Variants in TECTB observed in about 807,000 individuals in gnomAD.
The protein encoded by TECTB is beta-tectorin.
In TECTB, 45 loss-of-function variants were observed where a neutral mutation model predicts 43.3. The ratio of observed to expected loss-of-function variants is 1.04; its 90% CI spans 0.82 to 1.33. The LOEUF (loss-of-function observed/expected upper bound fraction) is 1.33, where lower values mean the gene tolerates loss of function less well. Among genes scored for constraint, TECTB ranks in the 40% most tolerant of loss-of-function variants. The pLI is 0.00. For synonymous variants in TECTB, 169 were observed against 156.7 expected, an observed-to-expected ratio of 1.08 and a Z score of -0.59; for missense variants, 399 against 404.7, an observed-to-expected ratio of 0.99 and a Z score of 0.12.
Position 112,293,847 on chromosome 10 carries a change from T to C in TECTB, c.587+6T>C. 2.5e-6 allele frequency: 4 copies of C among 1,613,554 alleles called. No homozygotes were observed. Among genetic ancestry groups the C allele is most frequent in the Non-Finnish European group, 3.4e-6 (4 of 1,179,428 alleles). On this transcript the variant is annotated splice_donor_region_variant and intron_variant, in intron 6 of 10. Coordinates refer to ENST00000646139, the MANE Select transcript of TECTB (RefSeq NM_058222.3). ...GCCAAAGGGTTAAGCATTAGGTAAGTACATTTCCTCCAAGTTTATATGTTT... is the reference window on the plus strand; with the variant it reads ...GCCAAAGGGTTAAGCATTAGGTAAGCACATTTCCTCCAAGTTTATATGTTT...
At position 112,286,358 on chromosome 10, in the gene TECTB, A is replaced by G; in HGVS notation, c.450A>G (p.Thr150=). ...ACGTGAAGAACGGGAGCATGGGCAC[A>G]TTTGAGAGCCAACTGTCTCTCAACT... is the stretch of plus-strand genomic sequence containing the variant. ...TVHVKNGSMG[T]FESQLSLNFY... is the part of the protein sequence containing the mutation. The change falls in exon 5 of 11, where the codon ACA becomes ACG. Residue 150 remains threonine (T), a synonymous_variant. Coordinates refer to ENST00000646139, the MANE Select transcript of TECTB (RefSeq NM_058222.3). 1 of 1,610,288 alleles carries G rather than the reference A, an allele frequency of 6.2e-7. No homozygotes were observed. The highest frequency in any genetic ancestry group is 8.5e-7 in the Non-Finnish European group (1 of 1,176,730).
rs1848636521 is a variant in TECTB, at chr10:112,304,463, T to C, written c.*1151T>C. 2 of 152,232 alleles carry C rather than the reference T, an allele frequency of 1.3e-5. No homozygotes were observed. The highest frequency in any genetic ancestry group is 2.4e-5 in the African/African-American group (1 of 41,462). 9.4% of individuals were successfully genotyped at this position (152,232 alleles called of 1,614,324 possible). Reference sequence around the variant, plus strand: ...ATATGCCCATATAAATGATTTACATTGTCAACAAAATACAAACTGAATGAA... The same window carrying C: ...ATATGCCCATATAAATGATTTACATCGTCAACAAAATACAAACTGAATGAA... On this transcript the variant is annotated 3_prime_UTR_variant, in exon 11 of 11. Transcript: ENST00000646139.
chr10:112,292,945 TC>T (rs1286892953), intron 5 of TECTB, among the ~76,000 whole-genome samples: 1 of 152,070 alleles, frequency 6.6e-6, no homozygotes, highest in Admixed American at 6.6e-5. Flanking sequence ...CCTCCTCACT[TC>T]CTCCAAATCT....
chr10:112,301,008 C>A (rs1200827997), intron 9 of TECTB, among the ~76,000 whole-genome samples: 1 of 152,230 alleles, frequency 6.6e-6, no homozygotes, highest in Non-Finnish European at 1.5e-5. Context: ...AAGCTATGGC[C>A]AAGGGCCAAG....
Position 112,300,279 on chromosome 10 carries a change from A to AAAGAAAGAAAAGAAAGAAAG in TECTB, c.907+717_907+718insGAAAGAAAAGAAAGAAAGAA, listed in dbSNP as rs1361291056. On this transcript the variant is annotated intron_variant, in intron 9 of 10. Coordinates refer to ENST00000646139, the MANE Select transcript of TECTB (RefSeq NM_058222.3). ...GAAAGAAAGAAAGAAAGAAAGAAAGAAAAGAAAGAAAGAAAGAAAGAAAGA... is the reference window on the plus strand; with the variant it reads ...GAAAGAAAGAAAGAAAGAAAGAAAGAAAGAAAGAAAAGAAAGAAAGAAAGAAAGAAAGAAAGAAAGAAAGA... Among the ~76,000 whole-genome samples the AAAGAAAGAAAAGAAAGAAAG allele has an allele frequency of 6.6e-3, 317 of 48,128 alleles. 3 individuals are homozygous for AAAGAAAGAAAAGAAAGAAAG. The highest frequency in any genetic ancestry group is 7.6e-3 in the Non-Finnish European group (192 of 25,292). 31.6% of individuals were successfully genotyped at this position (48,128 alleles called of 152,430 possible). A position where few individuals can be genotyped will look rare whatever the true frequency, so the allele number is the denominator to read the frequency against.
intron 7 of TECTB, among the ~76,000 whole-genome samples, chr10:112,296,856 GAAGA>G (rs1848550929): frequency 6.6e-6 from 1 of 152,162 alleles, no homozygotes; most frequent in South Asian, 2.1e-4. Flanking sequence ...TACCATACAA[GAAGA>G]AAGATGCTTC....
At position 112,294,045 on chromosome 10, in the gene TECTB, C is replaced by G. The variant is rs762548206; in HGVS notation, c.655C>G (p.Gln219Glu). Residue 219 changes from glutamine (Q) to glutamate (E), a missense_variant, in exon 7 of 11, where the codon CAG becomes GAG. Gln to Glu is a conservative substitution (Grantham distance 29, BLOSUM62 2). Coordinates refer to ENST00000646139, the MANE Select transcript of TECTB (RefSeq NM_058222.3). ...TGACTTCATGTATCCCTTGCAGTGG[C>G]AGCTGATCAACAAGGGGTAGGTACA... ...SADFMYPLQW[Q>E]LINKGCPTDE... 8 of 1,614,078 alleles carry G rather than the reference C, an allele frequency of 5.0e-6. No homozygotes were observed. Among genetic ancestry groups the G allele is most frequent in the Non-Finnish European group, 6.8e-6 (8 of 1,179,944 alleles).
At chr10:112,297,258 C>T (rs1848556596) in intron 7 of TECTB, among the ~76,000 whole-genome samples, 1 of 152,142 alleles carries the variant, frequency 6.6e-6, no homozygotes, top group South Asian at 2.1e-4. Flanking sequence ...TTCCCCCAGC[C>T]TGGACAATCA....
chr10:112,303,146 C>T (rs1848626620), intron 10 of TECTB, 117 bp from the exon 11 acceptor site: 4 of 1,261,842 alleles, frequency 3.2e-6, no homozygotes, highest in Non-Finnish European at 4.6e-6. Flanking sequence ...ACAAAATCGA[C>T]TTTGTCTAAA....
rs745751468 is a variant in TECTB at position 112,294,020 on chromosome 10, T to C, written c.630T>C (p.Ala210=). Residue 210 remains alanine (A), a synonymous_variant, in exon 7 of 11, where the codon GCT becomes GCC. Coordinates refer to ENST00000646139, the MANE Select transcript of TECTB (RefSeq NM_058222.3). ...ACAGCTGTTGGGCCACCCCCTCGGC[T>C]GACTTCATGTATCCCTTGCAGTGGC... is the stretch of plus-strand genomic sequence containing the variant. ...VLNSCWATPS[A]DFMYPLQWQL... 1.2e-6 allele frequency: 2 copies of C among 1,614,118 alleles called. No individual in the cohort carries two copies. Among genetic ancestry groups the C allele is most frequent in the Non-Finnish European group, 1.7e-6 (2 of 1,180,030 alleles).
intron 9 of TECTB, 75 bp from the exon 10 acceptor site, chr10:112,302,026 G>C: frequency 6.4e-7 from 1 of 1,567,322 alleles, no homozygotes; most frequent in Non-Finnish European, 8.8e-7. Context: ...TTGTGTTGTA[G>C]AAACATCACT....
At chr10:112,287,278 CTT>C (rs1848462782) in intron 5 of TECTB, among the ~76,000 whole-genome samples, 1 of 152,214 alleles carries the variant, frequency 6.6e-6, no homozygotes, top group South Asian at 2.1e-4. Flanking sequence ...TAAAGGCACA[CTT>C]TGGTCTCTCT....
intron 10 of TECTB, 155 bp from the exon 11 acceptor site, chr10:112,303,108 T>C: frequency 6.2e-6 from 5 of 812,354 alleles, no homozygotes; most frequent in South Asian, 1.6e-5. Context: ...TACTGATAAA[T>C]GTGAGCTACA....
intron 5 of TECTB, among the ~76,000 whole-genome samples, chr10:112,289,166 A>G (rs1249685434): frequency 6.6e-6 from 1 of 152,218 alleles, no homozygotes; most frequent in African/African-American, 2.4e-5. Context: ...AGTACCCAAG[A>G]AAGTAGCCAT....
At chr10:112,292,058 C>G (rs893563584) in intron 5 of TECTB, among the ~76,000 whole-genome samples, 2 of 151,764 alleles carry the variant, frequency 1.3e-5, no homozygotes, top group African/African-American at 4.8e-5. Context: ...ATGGCGTGAA[C>G]CCGGGAGGCA....
intron 7 of TECTB, among the ~76,000 whole-genome samples, chr10:112,297,298 T>C (rs917067624): frequency 2.0e-5 from 3 of 152,170 alleles, no homozygotes; most frequent in Non-Finnish European, 4.4e-5. Context: ...GGGCACAAAG[T>C]GGACCAAGCG....
rs776414198 is a variant in TECTB at position 112,283,763 on chromosome 10, C to T, written c.29C>T (p.Ala10Val). 2 of 1,613,748 alleles carry T rather than the reference C, an allele frequency of 1.2e-6. No individual in the cohort carries two copies. The highest frequency in any genetic ancestry group is 1.7e-5 in the Admixed American group (1 of 59,968). Residue 10 changes from alanine to valine, a missense_variant, in exon 2 of 11, where the codon GCC becomes GTC. Physicochemically the swap from Ala to Val is moderately conservative, Grantham distance 64 (BLOSUM62 0). Transcript: ENST00000646139. MVTKAFVLL[A>V]IFAEASAKSC... is the part of the protein sequence containing the mutation. ...GTGACGAAGGCCTTTGTCTTGTTGG[C>T]CATCTTTGCAGAAGCCTCTGCAAAA...
chr10:112,300,218 GACAGAAAGAAAT>G lies in TECTB; in HGVS notation c.907+656_907+667del, dbSNP rs1354566749. On this transcript the variant is annotated intron_variant, in intron 9 of 10. Transcript: ENST00000646139. ...AGAAAGAAAGAGAGACAGACAGACA[GACAGAAAGAAAT>G]AAAGAAAGAAAGAAAGAAAGAAAGA... 1.1e-3 allele frequency among the ~76,000 whole-genome samples: 91 copies of G among 84,530 alleles called. 1 individual carries two copies. Among genetic ancestry groups the G allele is most frequent in the African/African-American group, 2.3e-3 (56 of 24,382 alleles). 55.5% of individuals were successfully genotyped at this position (84,530 alleles called of 152,430 possible).
chr10:112,296,850 A>G (rs1240884156), intron 7 of TECTB, among the ~76,000 whole-genome samples: 2 of 152,144 alleles, frequency 1.3e-5, no homozygotes, highest in South Asian at 4.1e-4. Flanking sequence ...CGAGTTTACC[A>G]TACAAGAAGA....
Sources: allele counts gnomAD v4.1 joint callset (sites outside exome capture counted in the v4.1 genomes callset), GRCh38; gene constraint gnomAD v4.1.1; transcripts MANE v1.5; gene names NCBI Gene and HGNC (gene_info 2026-07-23, HGNC 2026-07-21).